The following INVS variants were observed in gnomAD, a reference collection of about 807,000 sequenced individuals.
INVS encodes inversion of embryo turning homolog.
A neutral mutation model predicts 108.8 loss-of-function variants in INVS; 86 were observed. The ratio of observed to expected loss-of-function variants is 0.79; its 90% CI spans 0.66 to 0.95. The LOEUF (loss-of-function observed/expected upper bound fraction) is 0.95. Among genes scored for constraint, INVS ranks in the 40% least tolerant of loss-of-function variants. INVS has a pLI of 0.00. For missense variants in INVS, 1,169 were observed against 1,297.4 expected (o/e 0.90, Z 1.52); for synonymous variants, 455 against 473.5 (o/e 0.96, Z 0.51).
At chr9:100,106,893 A>AG (rs1382516669) in intron 2 of INVS, among the ~76,000 whole-genome samples, 2 of 152,164 alleles carry the variant, frequency 1.3e-5, no homozygotes, top group African/African-American at 4.8e-5. Flanking sequence ...TGAAAAAAAA[A>AG]GTCTTGCCCT....
intron 10 of INVS, among the ~76,000 whole-genome samples, chr9:100,258,024 T>C (rs1832481042): frequency 6.6e-6 from 1 of 151,774 alleles, no homozygotes; most frequent in Non-Finnish European, 1.5e-5. Context: ...GTTCCATTCT[T>C]CCCGTCACTT....
rs2118428732 is a variant in INVS, at chr9:100,229,767, A to G, written c.555A>G (p.Pro185=). 1 of 1,614,186 alleles carries G rather than the reference A, an allele frequency of 6.2e-7. No homozygotes were observed. The part of the protein sequence containing the change: ...IGIPDVEGKI[P]LHWAANHKDP... ...TTCCTGATGTTGAAGGCAAGATCCC[A>G]CTTCACTGGGCAGCCAACCATAAAG... The change falls in exon 5 of 17, where the codon CCA becomes CCG. Residue 185 remains proline, a synonymous_variant. Coordinates refer to ENST00000262457, the MANE Select transcript of INVS (RefSeq NM_014425.5).
intron 3 of INVS, among the ~76,000 whole-genome samples, chr9:100,176,544 TCAGCTCACTG>T (rs1182312650): frequency 1.3e-5 from 2 of 152,156 alleles, no homozygotes; most frequent in African/African-American, 2.4e-5. Flanking sequence ...TGGTGCGATC[TCAGCTCACTG>T]CAGCCTCCAC....
intron 3 of INVS, among the ~76,000 whole-genome samples, chr9:100,177,282 C>T (rs958532842): frequency 6.6e-6 from 1 of 152,138 alleles, no homozygotes; most frequent in Admixed American, 6.6e-5. Context: ...GAGCACCATT[C>T]TCTCCCCTGG....
At chr9:100,249,647 A>C (rs1440604059) in intron 8 of INVS, among the ~76,000 whole-genome samples, 1 of 151,798 alleles carries the variant, frequency 6.6e-6, no homozygotes, top group African/African-American at 2.4e-5. Flanking sequence ...GGTGCCCACC[A>C]CTATGCTGGC....
chr9:100,292,834 T>G lies in INVS; in HGVS notation c.2577T>G (p.Ala859=), dbSNP rs2118763681. The change falls in exon 14 of 17, where the codon GCT becomes GCG. Residue 859 remains alanine, a synonymous_variant. Transcript: ENST00000262457. ...PQSTEELRSG[A]RRLETSTLSE... ...GCACAGAGGAGTTGAGGTCAGGAGC[T>G]AGGAGGCTGGAGACATCTACCCTGT... 1 of 1,614,050 alleles carries G rather than the reference T, an allele frequency of 6.2e-7. No individual in the cohort carries two copies. Among genetic ancestry groups the G allele is most frequent in the Non-Finnish European group, 8.5e-7 (1 of 1,179,994 alleles).
At chr9:100,256,040 G>T (rs1832409741) in intron 10 of INVS, among the ~76,000 whole-genome samples, 1 of 152,140 alleles carries the variant, frequency 6.6e-6, no homozygotes, top group Non-Finnish European at 1.5e-5. Context: ...AATCCATCTG[G>T]TCCTGGACAT....
rs1441867275 is a variant in INVS at position 100,272,922 on chromosome 9, T to C, written c.1630T>C (p.Leu544=). 1 of 1,614,122 alleles carries C rather than the reference T, an allele frequency of 6.2e-7. No homozygotes were observed. The highest frequency in any genetic ancestry group is 1.3e-5 in the African/African-American group (1 of 75,010). ...GCGCCATGAAGTGATCCAGTTCATG[T>C]TGGAGCACGGTGCCCTGTCCATCGC... ...GERHEVIQFM[L]EHGALSIAAI... is the part of the protein sequence containing the mutation. Residue 544 remains leucine, a synonymous_variant, in exon 12 of 17, where the codon TTG becomes CTG. Coordinates refer to ENST00000262457, the MANE Select transcript of INVS (RefSeq NM_014425.5).
intron 8 of INVS, among the ~76,000 whole-genome samples, chr9:100,247,427 G>A (rs1297286091): frequency 6.6e-6 from 1 of 152,052 alleles, no homozygotes; most frequent in African/African-American, 2.4e-5. Flanking sequence ...TGTCAACTTG[G>A]AGGTCTCTTC....
At chr9:100,234,864 T>C (rs1166186209) in intron 5 of INVS, among the ~76,000 whole-genome samples, 1 of 152,242 alleles carries the variant, frequency 6.6e-6, no homozygotes, top group Admixed American at 6.5e-5. Context: ...GAGAGTTCTG[T>C]AGATGTTTAT....
chr9:100,226,433 G>A (rs1203806351), intron 4 of INVS, among the ~76,000 whole-genome samples, 198 bp downstream of exon 4: 2 of 152,154 alleles, frequency 1.3e-5, no homozygotes, highest in African/African-American at 4.8e-5. Flanking sequence ...GTGTTAGGTA[G>A]TATCATCTTT....
chr9:100,217,668 T>C (rs1315631858), intron 3 of INVS, among the ~76,000 whole-genome samples: 1 of 152,184 alleles, frequency 6.6e-6, no homozygotes, highest in Non-Finnish European at 1.5e-5. Flanking sequence ...CAAGCCTGCT[T>C]GTTCTTTGCC....
intron 3 of INVS, among the ~76,000 whole-genome samples, chr9:100,213,447 C>G (rs1021394146): frequency 4.6e-5 from 7 of 151,960 alleles, no homozygotes; most frequent in African/African-American, 1.7e-4. Flanking sequence ...CTCGAGTGAT[C>G]TGCCCACCTT....
intron 3 of INVS, among the ~76,000 whole-genome samples, chr9:100,173,989 A>G (rs923920562): frequency 1.3e-5 from 2 of 152,252 alleles, no homozygotes; most frequent in Non-Finnish European, 2.9e-5. Context: ...AAAAATGAAT[A>G]GTCTTCAGCA....
chr9:100,114,397 T>C (rs1302937790), intron 2 of INVS, among the ~76,000 whole-genome samples: 5 of 133,050 alleles, frequency 3.8e-5, no homozygotes, highest in South Asian at 2.6e-4. Context: ...CTTTCTTTTT[T>C]TTTTTTTTTT....
intron 2 of INVS, among the ~76,000 whole-genome samples, chr9:100,124,023 G>T (rs2118887009): frequency 6.6e-6 from 1 of 152,250 alleles, no homozygotes; most frequent in Admixed American, 6.5e-5. Flanking sequence ...TGGCCAGGCT[G>T]GTCTTGAACT....
intron 7 of INVS, among the ~76,000 whole-genome samples, chr9:100,243,533 T>C (rs2806687): frequency 0.52 from 79,546 of 151,846 alleles, 22,031 homozygotes; most frequent in African/African-American, 0.65. Flanking sequence ...TCTTCCCCTC[T>C]ACTTTCTCAT....
intron 3 of INVS, among the ~76,000 whole-genome samples, chr9:100,162,887 T>A (rs150883863): frequency 6.6e-6 from 1 of 151,552 alleles, no homozygotes; most frequent in African/African-American, 2.4e-5. Context: ...GAAGGACATA[T>A]CTACTTAAAA....
At chr9:100,228,968 T>G (rs1831425247) in intron 4 of INVS, among the ~76,000 whole-genome samples, 1 of 152,174 alleles carries the variant, frequency 6.6e-6, no homozygotes, top group Non-Finnish European at 1.5e-5. Context: ...ACCCACAAAT[T>G]TAGTACTTTT....
Sources: gnomAD v4.1 joint callset for allele counts (sites outside exome capture counted in the v4.1 genomes callset) on GRCh38, gnomAD v4.1.1 for gene constraint, MANE v1.5 for transcripts, NCBI Gene and HGNC (gene_info 2026-07-23, HGNC 2026-07-21) for gene names.